Variants in CNTNAP2 observed in about 807,000 individuals in gnomAD.
CNTNAP2 encodes contactin associated protein 2.
In CNTNAP2, 98 loss-of-function variants were observed where a neutral mutation model predicts 155.2. That is an observed-to-expected ratio of 0.63 (90% CI 0.54 to 0.75). The LOEUF is 0.75. CNTNAP2 is among the 30% of genes least tolerant of loss of function. The probability of loss-of-function intolerance (pLI) is 0.00; values close to 1 mark genes in which losing one functional copy is unlikely to be tolerated. For missense variants in CNTNAP2, 1,727 were observed against 1,688.1 expected (o/e 1.02, Z -0.40); for synonymous variants, 651 against 631.2 (o/e 1.03, Z -0.47).
At chr7:147,345,618 A>G (rs902776865) in intron 9 of CNTNAP2, among the ~76,000 whole-genome samples, 6 of 152,208 alleles carry the variant, frequency 3.9e-5, no homozygotes, top group Non-Finnish European at 7.3e-5. Context: ...CTTGGCTAAC[A>G]TATGGTTGCC....
chr7:148,167,877 C>T (rs1393523887), intron 17 of CNTNAP2, among the ~76,000 whole-genome samples: 1 of 152,168 alleles, frequency 6.6e-6, no homozygotes, highest in African/African-American at 2.4e-5. Context: ...AGGGAGAAAA[C>T]TCCGCCCCAC....
intron 20 of CNTNAP2, among the ~76,000 whole-genome samples, chr7:148,253,263 A>G (rs1796402265): frequency 6.6e-6 from 1 of 152,094 alleles, no homozygotes; most frequent in African/African-American, 2.4e-5. Flanking sequence ...TCCAAAACAC[A>G]TCCTAAAGAT....
chr7:146,179,560 G>A (rs757549828), intron 1 of CNTNAP2, among the ~76,000 whole-genome samples: 2 of 152,054 alleles, frequency 1.3e-5, no homozygotes, highest in African/African-American at 4.8e-5. Context: ...CAAATAGCAT[G>A]TTTTTCGAGA....
intron 11 of CNTNAP2, among the ~76,000 whole-genome samples, chr7:147,513,356 T>C (rs1022787120): frequency 6.6e-6 from 1 of 152,146 alleles, no homozygotes; most frequent in Non-Finnish European, 1.5e-5. Context: ...TTTTCCATTG[T>C]ACCCCTACAA....
At chr7:147,482,879 C>T (rs980513315) in intron 10 of CNTNAP2, among the ~76,000 whole-genome samples, 10 of 151,862 alleles carry the variant, frequency 6.6e-5, no homozygotes, top group Middle Eastern at 3.4e-3. Flanking sequence ...AACCCTGTCT[C>T]TAATAAAAAT....
At chr7:147,154,720 T>G (rs186923128) in intron 8 of CNTNAP2, among the ~76,000 whole-genome samples, 1 of 152,188 alleles carries the variant, frequency 6.6e-6, no homozygotes, top group Non-Finnish European at 1.5e-5. Flanking sequence ...TAAAAGATAC[T>G]GAACTGAAAT....
At chr7:148,185,929 C>A (rs372831190) in intron 18 of CNTNAP2, among the ~76,000 whole-genome samples, 1 of 152,172 alleles carries the variant, frequency 6.6e-6, no homozygotes, top group Non-Finnish European at 1.5e-5. Flanking sequence ...CATACAACAA[C>A]CTCCTGAATC....
intron 10 of CNTNAP2, among the ~76,000 whole-genome samples, chr7:147,402,967 A>AAAAAC (rs1554480200): frequency 2.1e-5 from 3 of 145,866 alleles, no homozygotes; most frequent in Admixed American, 6.8e-5. Context: ...AAAAAAAAAA[A>AAAAAC]AAAACTAGTT....
rs924283027 is a variant in CNTNAP2 at position 148,157,010 on chromosome 7, G to A, written c.2773+9301G>A. Among the ~76,000 whole-genome samples, 6 of 152,174 alleles carry A rather than the reference G, an allele frequency of 3.9e-5. No individual in the cohort carries two copies. In the South Asian group the frequency reaches 6.2e-4, roughly 16 times the overall value. On this transcript the variant is annotated intron_variant, in intron 17 of 23. Transcript: ENST00000361727. Reference sequence around the variant, plus strand: ...TCTTGGAACTAAATCAAATGGGAACGCTTCAGCAATGACAGGAAGGTGAAC... The same window carrying A: ...TCTTGGAACTAAATCAAATGGGAACACTTCAGCAATGACAGGAAGGTGAAC...
intron 13 of CNTNAP2, among the ~76,000 whole-genome samples, chr7:147,777,916 T>C (rs1340738072): frequency 6.6e-6 from 1 of 152,252 alleles, no homozygotes; most frequent in African/African-American, 2.4e-5. Flanking sequence ...TTTTGAAATA[T>C]TTGTGGATGC....
At chr7:146,836,589 G>C (rs773873197) in intron 2 of CNTNAP2, among the ~76,000 whole-genome samples, 22 of 152,058 alleles carry the variant, frequency 1.4e-4, no homozygotes, top group Non-Finnish European at 1.9e-4. Flanking sequence ...TTGCATATCT[G>C]ACTTCCACAT....
intron 20 of CNTNAP2, among the ~76,000 whole-genome samples, chr7:148,245,026 C>A (rs540889841): frequency 4.9e-4 from 74 of 151,860 alleles, no homozygotes; most frequent in African/African-American, 1.7e-3. Flanking sequence ...ACTAATTGTA[C>A]CTTTTGTATT....
intron 13 of CNTNAP2, among the ~76,000 whole-genome samples, chr7:147,730,506 C>G (rs944288238): frequency 6.6e-6 from 1 of 151,858 alleles, no homozygotes; most frequent in African/African-American, 2.4e-5. Flanking sequence ...TTTGGGGAAC[C>G]ATGAACTCTG....
At chr7:147,957,762 A>G (rs1417992870) in intron 14 of CNTNAP2, among the ~76,000 whole-genome samples, 5 of 152,192 alleles carry the variant, frequency 3.3e-5, no homozygotes, top group Non-Finnish European at 7.3e-5. Context: ...CAAATTGTAT[A>G]CGTAAAAAAA....
At chr7:147,784,277 C>T (rs1797699186) in intron 13 of CNTNAP2, among the ~76,000 whole-genome samples, 1 of 150,320 alleles carries the variant, frequency 6.7e-6, no homozygotes, top group South Asian at 2.1e-4. Context: ...TTTTGGAAGA[C>T]ACTATTCAAC....
At position 146,474,632 on chromosome 7, in the gene CNTNAP2, C is replaced by G. The variant is rs116346207; in HGVS notation, c.98-299639C>G. The stretch of plus-strand genomic sequence containing the variant: ...AATGAACTGTAAATCATCAATCGAT[C>G]TGAAAATAGCACAGACTTAGTTACA... On this transcript the variant is annotated intron_variant, in intron 1 of 23. Transcript: ENST00000361727. Among the ~76,000 whole-genome samples the G allele has an allele frequency of 3.1e-3, 475 of 151,978 alleles. 4 individuals carry two copies. Among genetic ancestry groups the G allele is most frequent in the African/African-American group, 0.011 (456 of 41,446 alleles).
chr7:147,117,161 G>A (rs2129281833), intron 5 of CNTNAP2, among the ~76,000 whole-genome samples: 1 of 152,204 alleles, frequency 6.6e-6, no homozygotes, highest in South Asian at 2.1e-4. Flanking sequence ...TGCCTGAGTT[G>A]CAGACACCTT....
chr7:147,301,592 C>CTG lies in CNTNAP2; in HGVS notation c.1498+1354_1498+1355dup, dbSNP rs10585570. Among the ~76,000 whole-genome samples the CTG allele has an allele frequency of 3.8e-3, 385 of 101,852 alleles. 1 individual carries two copies. The highest frequency in any genetic ancestry group is 0.011 in the South Asian group (32 of 3,014). The allele number at this position is 101,852 out of a possible 152,430, so 66.8% of individuals were successfully genotyped here. The stretch of plus-strand genomic sequence containing the variant: ...TATATAGCTCTCTCTCTCTCTCTCT[C>CTG]TGTGTGTGTGTGTGTGTGTGTGTGT... On this transcript the variant is annotated intron_variant, in intron 9 of 23. Transcript: ENST00000361727.
At chr7:148,383,420 A>G (rs1355622736) in intron 21 of CNTNAP2, among the ~76,000 whole-genome samples, 1 of 152,164 alleles carries the variant, frequency 6.6e-6, no homozygotes, top group Non-Finnish European at 1.5e-5. Context: ...ATTTTATCAC[A>G]TATAGTCTTA....
Sources: allele counts gnomAD v4.1 joint callset (sites outside exome capture counted in the v4.1 genomes callset), GRCh38; gene constraint gnomAD v4.1.1; transcripts MANE v1.5; gene names NCBI Gene and HGNC (gene_info 2026-07-23, HGNC 2026-07-21).